SH3KBP1: variants seen among roughly 807,000 people sequenced by gnomAD.
The protein encoded by SH3KBP1 is SH3 domain containing kinase binding protein 1, also known as SH3 domain-containing kinase-binding protein 1.
Under a neutral mutation model 50.1 loss-of-function variants are expected in SH3KBP1, and 8 were observed. The observed-to-expected ratio is 0.16, with a 90% CI of 0.09 to 0.29. SH3KBP1 has a LOEUF of 0.29. SH3KBP1 is among the 10% of genes least tolerant of loss of function. The pLI is 1.00. For synonymous variants in SH3KBP1, 227 were observed against 218.6 expected (o/e 1.04, Z -0.34); for missense variants, 377 against 535.2 (o/e 0.70, Z 2.92).
At chrX:19,564,375 T>C (rs1019114547) in intron 13 of SH3KBP1, among the ~76,000 whole-genome samples, 4 of 112,341 alleles carry the variant, frequency 3.6e-5, no homozygotes, top group African/African-American at 1.3e-4. Flanking sequence ...ATTTAGAACT[T>C]AGTATTGATC....
At chrX:19,664,951 C>T (rs1177628387) in intron 6 of SH3KBP1, among the ~76,000 whole-genome samples, 1 of 112,225 alleles carries the variant, frequency 8.9e-6, no homozygotes, top group Non-Finnish European at 1.9e-5. Context: ...ATGCTAAGCA[C>T]TGCATCAAGA....
At chrX:19,818,121 C>A (rs915691096) in intron 2 of SH3KBP1, among the ~76,000 whole-genome samples, 1 of 112,148 alleles carries the variant, frequency 8.9e-6, no homozygotes, top group Non-Finnish European at 1.9e-5. Flanking sequence ...AACAAAATCA[C>A]CTTACAATGC....
At chrX:19,700,632 T>C (rs950391259) in intron 4 of SH3KBP1, among the ~76,000 whole-genome samples, 7 of 112,250 alleles carry the variant, frequency 6.2e-5, no homozygotes, top group Non-Finnish European at 1.1e-4. Context: ...ATACAAATTA[T>C]TTCTGGTAAA....
intron 16 of SH3KBP1, among the ~76,000 whole-genome samples, chrX:19,541,048 G>A (rs2064874412): frequency 9.0e-6 from 1 of 111,051 alleles, no homozygotes; most frequent in South Asian, 3.8e-4. Context: ...CCAAGTGGCT[G>A]GGATTACAGG....
intron 10 of SH3KBP1, among the ~76,000 whole-genome samples, chrX:19,594,189 T>G (rs2066829087): frequency 1.8e-5 from 2 of 112,517 alleles, no homozygotes; most frequent in African/African-American, 6.5e-5. Context: ...TTGTTAATTT[T>G]TTAAAATGCT....
At chrX:19,537,821 C>A (rs1569258502) in intron 16 of SH3KBP1, 41 bp from the exon 17 acceptor site, 1 of 1,067,456 alleles carries the variant, frequency 9.4e-7, no homozygotes, top group Non-Finnish European at 1.3e-6. Context: ...AAATCCCAGA[C>A]TTCCTTCATC....
At chrX:19,638,388 C>T (rs1223795045) in intron 7 of SH3KBP1, among the ~76,000 whole-genome samples, 6 of 84,658 alleles carry the variant, frequency 7.1e-5, no homozygotes, top group Admixed American at 1.6e-4. Context: ...CCAGCCTGGG[C>T]GAAAGAGCAG....
chrX:19,881,105 GGA>G (rs2069419944), intron 1 of SH3KBP1, among the ~76,000 whole-genome samples: 1 of 112,268 alleles, frequency 8.9e-6, no homozygotes, highest in Non-Finnish European at 1.9e-5. Context: ...ACAAGGCAGA[GGA>G]GAGAGTGACA....
At chrX:19,564,127 C>T (rs2065765980) in intron 13 of SH3KBP1, among the ~76,000 whole-genome samples, 1 of 111,900 alleles carries the variant, frequency 8.9e-6, no homozygotes, top group African/African-American at 3.3e-5. Context: ...ATTTTAAAAA[C>T]AGGACAGAAA....
At chrX:19,818,027 T>C (rs1319086616) in intron 2 of SH3KBP1, among the ~76,000 whole-genome samples, 1 of 112,225 alleles carries the variant, frequency 8.9e-6, no homozygotes, top group African/African-American at 3.2e-5. Flanking sequence ...CTAGGAGTGA[T>C]AGGCCATACA....
chrX:19,821,471 C>T (rs183663996), intron 2 of SH3KBP1, among the ~76,000 whole-genome samples: 2 of 111,934 alleles, frequency 1.8e-5, no homozygotes, highest in Admixed American at 1.9e-4. Flanking sequence ...TACCCATTTG[C>T]TATTTTCTCC....
intron 2 of SH3KBP1, among the ~76,000 whole-genome samples, chrX:19,769,301 G>A (rs1259498673): frequency 6.5e-5 from 7 of 107,215 alleles, no homozygotes; most frequent in African/African-American, 1.0e-4. Context: ...ACAGGGTCTC[G>A]CCAAGTTGCC....
chrX:19,725,931 T>C (rs751711966), intron 3 of SH3KBP1, among the ~76,000 whole-genome samples: 14 of 111,784 alleles, frequency 1.3e-4, no homozygotes, highest in Non-Finnish European at 2.6e-4. Flanking sequence ...CCACGTTGCC[T>C]ATGACTTGCA....
At chrX:19,768,909 T>TAC (rs1472320601) in intron 2 of SH3KBP1, among the ~76,000 whole-genome samples, 2 of 106,001 alleles carry the variant, frequency 1.9e-5, no homozygotes, top group African/African-American at 3.4e-5. Context: ...AAATTCAGTG[T>TAC]ACACACACAC....
chrX:19,702,781 C>T (rs1408154397), intron 4 of SH3KBP1, among the ~76,000 whole-genome samples: 4 of 112,325 alleles, frequency 3.6e-5, no homozygotes. Flanking sequence ...CATTCACACG[C>T]CATCTCTGTT....
intron 1 of SH3KBP1, among the ~76,000 whole-genome samples, chrX:19,838,254 C>T (rs766220447): frequency 8.9e-6 from 1 of 112,452 alleles, no homozygotes; most frequent in South Asian, 3.7e-4. Context: ...TTCCTTCACC[C>T]AGTCTCCAGG....
intron 7 of SH3KBP1, among the ~76,000 whole-genome samples, chrX:19,635,357 G>A (rs1246979167): frequency 9.3e-6 from 1 of 107,909 alleles, no homozygotes; most frequent in Non-Finnish European, 1.9e-5. Flanking sequence ...CTCATAAGTG[G>A]GAGTTGAACA....
intron 2 of SH3KBP1, among the ~76,000 whole-genome samples, chrX:19,823,218 G>A (rs138704174): frequency 0.022 from 2,463 of 111,439 alleles, 33 homozygotes; most frequent in Non-Finnish European, 0.034. Context: ...ATGCTGCCAT[G>A]GGTTATCTAA....
chrX:19,621,297 G>A (rs2067831413), intron 8 of SH3KBP1, among the ~76,000 whole-genome samples: 1 of 98,048 alleles, frequency 1.0e-5, no homozygotes, highest in African/African-American at 3.8e-5. Context: ...CACCATGTTA[G>A]CCAGGATGGT....
Sources: gnomAD v4.1 joint callset for allele counts (sites outside exome capture counted in the v4.1 genomes callset) on GRCh38, gnomAD v4.1.1 for gene constraint, MANE v1.5 for transcripts, NCBI Gene and HGNC (gene_info 2026-07-23, HGNC 2026-07-21) for gene names.